Variants in ACTR3C observed in about 807,000 individuals in gnomAD.
ACTR3C encodes actin-related protein 3C.
Under a neutral mutation model 26.3 loss-of-function variants are expected in ACTR3C, and 18 were observed. The ratio of observed to expected loss-of-function variants is 0.68; its 90% CI spans 0.47 to 1.01. The LOEUF is 1.01. ACTR3C is among the 50% of genes least tolerant of loss of function. The pLI is 0.00. For missense variants in ACTR3C, 184 were observed against 250.7 expected (o/e 0.73, Z 1.80); for synonymous variants, 55 against 94.5 (o/e 0.58, Z 2.42).
the ACTR3C span, among the ~76,000 whole-genome samples, chr7:150,085,557 GAAC>G: frequency 6.6e-6 from 1 of 152,310 alleles, no homozygotes; most frequent in African/African-American, 2.4e-5. Context: ...TTGGGTTTGA[GAAC>G]AACAACCAAT....
At chr7:150,193,406 T>TTA in the ACTR3C span, among the ~76,000 whole-genome samples, 3 of 145,734 alleles carry the variant, frequency 2.1e-5, no homozygotes, top group African/African-American at 7.7e-5. Flanking sequence ...ATTTTTTATT[T>TTA]TCTTTTTTTT....
At chr7:150,227,688 G>GTTTTTTTTTTTTTTTTTTTTTTT in the ACTR3C span, among the ~76,000 whole-genome samples, 9 of 111,374 alleles carry the variant, frequency 8.1e-5, no homozygotes, top group South Asian at 5.7e-4. Context: ...TTGTGTCTGG[G>GTTTTTTTTTTTTTTTTTTTTTTT]TTTTTTTTTT....
the ACTR3C span, among the ~76,000 whole-genome samples, chr7:150,048,655 G>A: frequency 1.7e-4 from 25 of 150,676 alleles, no homozygotes; most frequent in African/African-American, 5.6e-4. Context: ...CCCCAGCCAC[G>A]CACGCGCTGC....
intron 1 of ACTR3C, among the ~76,000 whole-genome samples, chr7:150,309,722 G>A (rs2129615273): frequency 6.6e-6 from 1 of 152,290 alleles, no homozygotes; most frequent in South Asian, 2.1e-4. Flanking sequence ...CTGGAAATCG[G>A]ACTGTCCAAC....
the ACTR3C span, among the ~76,000 whole-genome samples, chr7:150,028,863 C>T: frequency 5.3e-5 from 8 of 152,250 alleles, no homozygotes; most frequent in African/African-American, 1.9e-4. Context: ...TACTTGTCTG[C>T]TATGAGCCTG....
the ACTR3C span, among the ~76,000 whole-genome samples, chr7:150,238,546 A>T: frequency 7.3e-6 from 1 of 137,564 alleles, no homozygotes; most frequent in African/African-American, 3.1e-5. Context: ...GGCTACTATG[A>T]ATAACATTGT....
the ACTR3C span, among the ~76,000 whole-genome samples, chr7:150,017,901 C>T: frequency 2.0e-5 from 3 of 150,260 alleles, no homozygotes; most frequent in Non-Finnish European, 2.9e-5. Context: ...TTGCACAGTA[C>T]GCAGTATTTA....
chr7:150,293,294 A>G lies in ACTR3C; in HGVS notation c.153+18T>C, dbSNP rs1268432936. ...GTGTTAAGCCTACAGAGACTTATAT[A>G]TTAACTATTCTGCTTACCACTGGGA... is the stretch of plus-strand genomic sequence containing the variant. On this transcript the variant is annotated intron_variant, in intron 3 of 7. Transcript: ENST00000683684. 5 of 1,550,514 alleles carry G rather than the reference A, an allele frequency of 3.2e-6. No individual in the cohort carries two copies. The highest frequency in any genetic ancestry group is 3.3e-4 in the Middle Eastern group (2 of 5,974).
chr7:150,115,158 C>T, the ACTR3C span, among the ~76,000 whole-genome samples: 1 of 152,176 alleles, frequency 6.6e-6, no homozygotes, highest in East Asian at 1.9e-4. Flanking sequence ...ATGGAGAGTT[C>T]ATTTTTCCAC....
the ACTR3C span, among the ~76,000 whole-genome samples, chr7:149,993,354 G>A: frequency 6.6e-6 from 1 of 152,206 alleles, no homozygotes; most frequent in Non-Finnish European, 1.5e-5. Flanking sequence ...CCAAGCAGGG[G>A]TGCACTTGTA....
chr7:149,983,449 G>GTGTGTGTGTGTGTGTGTGTATATATATA, the ACTR3C span, among the ~76,000 whole-genome samples: 1 of 23,324 alleles, frequency 4.3e-5, no homozygotes, highest in African/African-American at 1.5e-4. Context: ...GTGTGTGTGT[G>GTGTGTGTGTGTGTGTGTGTATATATATA]TATATATATA....
downstream of ACTR3C, among the ~76,000 whole-genome samples, chr7:150,242,963 T>G (rs1832270084): frequency 6.6e-6 from 1 of 152,208 alleles, no homozygotes; most frequent in African/African-American, 2.4e-5. Flanking sequence ...TTATCCTCTT[T>G]CTGGGTCCTG....
At chr7:149,977,572 T>C in the ACTR3C span, among the ~76,000 whole-genome samples, 68,138 of 152,030 alleles carry the variant, frequency 0.45, 17,080 homozygotes, top group South Asian at 0.57. Context: ...TCCGGACCTC[T>C]GTTCAGTTAC....
the ACTR3C span, among the ~76,000 whole-genome samples, chr7:150,227,184 C>G: frequency 6.6e-6 from 1 of 151,442 alleles, no homozygotes; most frequent in African/African-American, 2.4e-5. Flanking sequence ...AAATATGCAA[C>G]ATGTTATTAT....
the ACTR3C span, among the ~76,000 whole-genome samples, chr7:150,140,268 C>T: frequency 1.1e-4 from 17 of 152,278 alleles, no homozygotes; most frequent in African/African-American, 3.9e-4. Context: ...CAGCTTTTTC[C>T]TACAAGCATT....
chr7:149,930,884 A>G, the ACTR3C span, among the ~76,000 whole-genome samples: 1 of 152,036 alleles, frequency 6.6e-6, no homozygotes, highest in African/African-American at 2.4e-5. Context: ...TTATTTTTTT[A>G]AGATGGAATC....
At chr7:150,103,953 A>G in the ACTR3C span, among the ~76,000 whole-genome samples, 1 of 151,956 alleles carries the variant, frequency 6.6e-6, no homozygotes, top group Non-Finnish European at 1.5e-5. Context: ...AATTACCACT[A>G]TTGGAGACGA....
chr7:150,171,519 A>G, the ACTR3C span, among the ~76,000 whole-genome samples: 1 of 150,906 alleles, frequency 6.6e-6, no homozygotes, highest in South Asian at 2.1e-4. Flanking sequence ...TTAAATGTCT[A>G]CATTAGAATA....
At chr7:149,923,341 CAT>C in the ACTR3C span, among the ~76,000 whole-genome samples, 2 of 151,918 alleles carry the variant, frequency 1.3e-5, no homozygotes, top group Non-Finnish European at 2.9e-5. Flanking sequence ...GCAACATTTT[CAT>C]ATTGACTAAA....
Sources: gnomAD v4.1 joint callset for allele counts (sites outside exome capture counted in the v4.1 genomes callset) on GRCh38, gnomAD v4.1.1 for gene constraint, MANE v1.5 for transcripts, NCBI Gene and HGNC (gene_info 2026-07-23, HGNC 2026-07-21) for gene names.